The following WDR64 variants were observed in gnomAD, a reference collection of about 807,000 sequenced individuals.
The protein encoded by WDR64 is WD repeat domain 64.
Under a neutral mutation model 139.3 loss-of-function variants are expected in WDR64, and 112 were observed. The observed-to-expected ratio is 0.80, with a 90% CI of 0.69 to 0.94. WDR64 has a LOEUF of 0.94. WDR64 is among the 40% of genes least tolerant of loss of function. The pLI is 0.00. For synonymous variants in WDR64, 444 were observed against 437.7 expected, an observed-to-expected ratio of 1.01 and a Z score of -0.18; for missense variants, 1,206 against 1,293.1, an observed-to-expected ratio of 0.93 and a Z score of 1.03.
At chr1:241,733,382 G>A (rs757672481) in intron 10 of WDR64, among the ~76,000 whole-genome samples, 1 of 152,044 alleles carries the variant, frequency 6.6e-6, no homozygotes, top group African/African-American at 2.4e-5. Context: ...AGCTCAGGCT[G>A]GAGAATTGCT....
At chr1:241,762,619 G>C (rs535512739) in intron 15 of WDR64, among the ~76,000 whole-genome samples, 78 of 152,184 alleles carry the variant, frequency 5.1e-4, no homozygotes, top group African/African-American at 1.9e-3. Context: ...CTTTTAGAGA[G>C]ATAAGTGGTC....
intron 16 of WDR64, among the ~76,000 whole-genome samples, chr1:241,768,293 C>A (rs1259210161): frequency 6.6e-6 from 1 of 152,134 alleles, no homozygotes; most frequent in Non-Finnish European, 1.5e-5. Context: ...CAGTATTTTG[C>A]AAAACATATG....
intron 6 of WDR64, among the ~76,000 whole-genome samples, chr1:241,682,200 T>C (rs564779618): frequency 6.6e-6 from 1 of 152,198 alleles, no homozygotes; most frequent in African/African-American, 2.4e-5. Flanking sequence ...AATCCTTGCC[T>C]AAGCCAATGT....
chr1:241,754,969 A>C (rs1558508932), intron 14 of WDR64, among the ~76,000 whole-genome samples: 1 of 152,158 alleles, frequency 6.6e-6, no homozygotes, highest in African/African-American at 2.4e-5. Flanking sequence ...CCAGTCTATC[A>C]TTGATGGGCA....
At chr1:241,747,615 G>A (rs551597910) in intron 13 of WDR64, among the ~76,000 whole-genome samples, 208 of 152,284 alleles carry the variant, frequency 1.4e-3, no homozygotes, top group Non-Finnish European at 2.4e-3. Flanking sequence ...CAGAATTGGA[G>A]CTGACAGTGT....
At chr1:241,790,474 C>T (rs781131875) in intron 24 of WDR64, 117 bp from the exon 25 acceptor site, 201 of 785,946 alleles carry the variant, frequency 2.6e-4, no homozygotes, top group Admixed American at 3.1e-4. Flanking sequence ...GTCATTGGGA[C>T]TGATGCCATA....
chr1:241,802,270 TAA>T lies in WDR64; in HGVS notation c.*1056_*1057del, dbSNP rs1181610964. ...ACATAGACCAATCTCAAGAATATGT[TAA>T]GTCAAAAAAACTTTACAGAAAGAAT... On this transcript the variant is annotated 3_prime_UTR_variant, in exon 28 of 28. Coordinates refer to ENST00000437684, the MANE Select transcript of WDR64 (RefSeq NM_001367482.1). The T allele has an allele frequency of 1.8e-5, 7 of 398,066 alleles. No homozygotes were observed. The South Asian group carries it at 8.9e-4, about 51-fold the overall frequency. The allele number at this position is 398,066 out of a possible 1,614,324, so 24.7% of individuals were successfully genotyped here. A position where few individuals can be genotyped will look rare whatever the true frequency, so the allele number is the denominator to read the frequency against.
At chr1:241,660,041 G>A (rs1665762017) in intron 1 of WDR64, among the ~76,000 whole-genome samples, 1 of 152,098 alleles carries the variant, frequency 6.6e-6, no homozygotes, top group African/African-American at 2.4e-5. Context: ...ATAGTTTTGG[G>A]TTTTACATTT....
intron 8 of WDR64, among the ~76,000 whole-genome samples, chr1:241,694,651 G>T (rs546552048): frequency 1.6e-4 from 25 of 152,262 alleles, no homozygotes; most frequent in Non-Finnish European, 3.1e-4. Context: ...AACGTATGCA[G>T]ATTGATATGC....
chr1:241,782,685 T>C (rs1345844731), intron 22 of WDR64, among the ~76,000 whole-genome samples: 1 of 152,206 alleles, frequency 6.6e-6, no homozygotes, highest in African/African-American at 2.4e-5. Context: ...CTCATGATTT[T>C]TTTCTTTTCT....
intron 16 of WDR64, among the ~76,000 whole-genome samples, chr1:241,768,829 C>A (rs1225332807): frequency 6.6e-6 from 1 of 152,184 alleles, no homozygotes; most frequent in African/African-American, 2.4e-5. Flanking sequence ...TCTGGGTCAA[C>A]AGGAGACTGG....
rs569758453 is a variant in WDR64, at chr1:241,670,488, C to T, written c.277-586C>T. On this transcript the variant is annotated intron_variant, in intron 2 of 27. Coordinates refer to ENST00000437684, the MANE Select transcript of WDR64 (RefSeq NM_001367482.1). ...TTTGATTTCCAAGTAAGTGCCAGCT[C>T]CGAATAGATCTATCAGTCTGAGTGT... 3.9e-5 allele frequency among the ~76,000 whole-genome samples: 6 copies of T among 152,262 alleles called. No homozygotes were observed. The East Asian group carries it at 7.7e-4, about 20-fold the overall frequency.
At chr1:241,773,156 CTATT>C (rs1217752594) in intron 20 of WDR64, among the ~76,000 whole-genome samples, 2 of 152,152 alleles carry the variant, frequency 1.3e-5, no homozygotes, top group Non-Finnish European at 2.9e-5. Context: ...GCTAACTTAG[CTATT>C]TCAAATATGT....
rs761111510 is a variant in WDR64 at position 241,796,324 on chromosome 1, A to C, written c.3146A>C (p.Asp1049Ala). 1 of 1,613,956 alleles carries C rather than the reference A, an allele frequency of 6.2e-7. No individual in the cohort carries two copies. The highest frequency in any genetic ancestry group is 1.1e-5 in the South Asian group (1 of 91,058). The change falls in exon 27 of 28, where the codon GAT becomes GCT. Residue 1049 changes from aspartate to alanine, a missense_variant. Asp to Ala is a moderately radical substitution (Grantham distance 126). Transcript: ENST00000437684. ...GTAGAAGCCCAAAAGGACTCTTCAGATGGCATTACAGGAAAGAAGAAGGGA... is the reference window on the plus strand; with the variant it reads ...GTAGAAGCCCAAAAGGACTCTTCAGCTGGCATTACAGGAAAGAAGAAGGGA... ...IGVEAQKDSS[D>A]GITGKKKGGH...
At chr1:241,768,567 T>C (rs1017764947) in intron 16 of WDR64, among the ~76,000 whole-genome samples, 3 of 152,204 alleles carry the variant, frequency 2.0e-5, no homozygotes, top group African/African-American at 7.2e-5. Flanking sequence ...CTTAAAAAAT[T>C]TGAGTTCAAC....
chr1:241,766,703 TAA>T (rs33937120), intron 16 of WDR64, among the ~76,000 whole-genome samples: 83 of 132,398 alleles, frequency 6.3e-4, no homozygotes, highest in Non-Finnish European at 9.3e-4. Context: ...AAACTCAGTA[TAA>T]AAAAAAAAAA....
At chr1:241,783,153 C>A in intron 22 of WDR64, 119 bp from the exon 23 acceptor site, 2 of 841,130 alleles carry the variant, frequency 2.4e-6, no homozygotes, top group Non-Finnish European at 3.8e-6. Context: ...AATCATCTAG[C>A]ACAGATGTCT....
intron 2 of WDR64, among the ~76,000 whole-genome samples, chr1:241,668,237 C>T (rs750560279): frequency 1.3e-5 from 2 of 152,154 alleles, no homozygotes; most frequent in Non-Finnish European, 2.9e-5. Flanking sequence ...GAGCTGGGCG[C>T]GGCAGCTCAC....
At chr1:241,774,737 CTGTT>C (rs1460596868) in intron 20 of WDR64, among the ~76,000 whole-genome samples, 4 of 151,796 alleles carry the variant, frequency 2.6e-5, no homozygotes, top group South Asian at 2.1e-4. Context: ...ATGTCAATGC[CTGTT>C]TGAGTTAAAT....
Sources: gnomAD v4.1 joint callset for allele counts (sites outside exome capture counted in the v4.1 genomes callset) on GRCh38, gnomAD v4.1.1 for gene constraint, MANE v1.5 for transcripts, NCBI Gene and HGNC (gene_info 2026-07-23, HGNC 2026-07-21) for gene names.